PLCB1: variants seen among roughly 807,000 people sequenced by gnomAD.
The protein encoded by PLCB1 is phospholipase C beta 1, also known as 1-phosphatidylinositol 4,5-bisphosphate phosphodiesterase beta-1.
PLCB1 carries 46 observed loss-of-function variants against 161.8 expected under a neutral mutation model. The observed-to-expected ratio is 0.28, with a 90% confidence interval of 0.22 to 0.36. The LOEUF is 0.36. Ranked by LOEUF, PLCB1 falls within the 10% of genes least tolerant of loss-of-function variation. PLCB1 has a pLI of 1.00. For missense variants in PLCB1, 1,016 were observed against 1,472.5 expected, an observed-to-expected ratio of 0.69 and a Z score of 5.07; for synonymous variants, 517 against 503.7, an observed-to-expected ratio of 1.03 and a Z score of -0.35.
intron 3 of PLCB1, among the ~76,000 whole-genome samples, chr20:8,588,111 AT>A (rs1987044180): frequency 6.6e-6 from 1 of 152,202 alleles, no homozygotes; most frequent in Admixed American, 6.5e-5. Flanking sequence ...GATTTAATAC[AT>A]GCTTATTGAA....
chr20:8,334,704 G>A (rs781147729), intron 2 of PLCB1, among the ~76,000 whole-genome samples: 5 of 152,152 alleles, frequency 3.3e-5, no homozygotes, highest in African/African-American at 4.8e-5. Context: ...CCTTTTGACA[G>A]CCGTGACTTA....
intron 31 of PLCB1, among the ~76,000 whole-genome samples, chr20:8,797,774 A>G (rs1478677828): frequency 6.6e-6 from 1 of 152,218 alleles, no homozygotes; most frequent in Non-Finnish European, 1.5e-5. Context: ...TGAACACACA[A>G]TTTCCATCAT....
intron 3 of PLCB1, among the ~76,000 whole-genome samples, chr20:8,423,826 T>C (rs1471108543): frequency 6.6e-6 from 1 of 152,204 alleles, no homozygotes; most frequent in Non-Finnish European, 1.5e-5. Context: ...TGGCTTCAAA[T>C]TTCATGAGGC....
At chr20:8,216,668 G>T (rs993022647) in intron 2 of PLCB1, among the ~76,000 whole-genome samples, 4 of 151,964 alleles carry the variant, frequency 2.6e-5, no homozygotes, top group African/African-American at 9.7e-5. Flanking sequence ...CCTCAAAAAG[G>T]TCAGAGAAAA....
At chr20:8,202,152 T>A (rs929442930) in intron 2 of PLCB1, among the ~76,000 whole-genome samples, 1 of 152,144 alleles carries the variant, frequency 6.6e-6, no homozygotes, top group Non-Finnish European at 1.5e-5. Flanking sequence ...TCTCTGCTCA[T>A]TGCAAACTCC....
intron 31 of PLCB1, among the ~76,000 whole-genome samples, chr20:8,822,453 A>C (rs1223795127): frequency 1.3e-5 from 2 of 152,182 alleles, no homozygotes; most frequent in Non-Finnish European, 2.9e-5. Flanking sequence ...ATCAGGAACC[A>C]AATGATCTGG....
At chr20:8,663,187 CAT>C (rs1989728295) in intron 9 of PLCB1, among the ~76,000 whole-genome samples, 1 of 151,306 alleles carries the variant, frequency 6.6e-6, no homozygotes, top group Non-Finnish European at 1.5e-5. Flanking sequence ...ATATATATAA[CAT>C]ATATATACAC....
intron 1 of PLCB1, among the ~76,000 whole-genome samples, chr20:8,139,290 T>G (rs2051380161): frequency 6.6e-6 from 1 of 152,024 alleles, no homozygotes; most frequent in Non-Finnish European, 1.5e-5. Context: ...AGACGGGGGT[T>G]TTGCCATGTT....
chr20:8,568,252 G>A (rs939459128), intron 3 of PLCB1, among the ~76,000 whole-genome samples: 6 of 152,142 alleles, frequency 3.9e-5, no homozygotes, highest in African/African-American at 1.2e-4. Flanking sequence ...ATTGCTGTTG[G>A]TATTTTACCT....
chr20:8,306,709 T>C (rs529766063), intron 2 of PLCB1, among the ~76,000 whole-genome samples: 1 of 152,350 alleles, frequency 6.6e-6, no homozygotes, highest in African/African-American at 2.4e-5. Context: ...GCAAAGTGAA[T>C]GAAGAACTCT....
intron 3 of PLCB1, among the ~76,000 whole-genome samples, chr20:8,510,543 G>A (rs762678156): frequency 2.0e-5 from 3 of 151,810 alleles, no homozygotes; most frequent in South Asian, 2.1e-4. Context: ...GGGCCACCAC[G>A]CCCAGCTAAT....
Position 8,708,690 on chromosome 20 carries a change from G to T in PLCB1, c.1188G>T (p.Ala396=). The part of the protein sequence containing the change: ...ISFKEVIEAI[A]ECAFKTSPFP... The stretch of plus-strand genomic sequence containing the variant: ...TTTAGGAAGTGATAGAAGCAATTGC[G>T]GAGTGTGCATTTAAGACTTCACCTT... The change falls in exon 12 of 32, where the codon GCG becomes GCT. Residue 396 remains alanine, a synonymous_variant. Coordinates refer to ENST00000338037, the MANE Select transcript of PLCB1 (RefSeq NM_015192.4). The T allele has an allele frequency of 1.9e-6, 3 of 1,612,394 alleles. No homozygotes were observed. The South Asian group carries it at 3.3e-5, about 18-fold the overall frequency.
intron 7 of PLCB1, chr20:8,651,445 G>C (rs1568546944): frequency 8.2e-6 from 6 of 728,158 alleles, no homozygotes; most frequent in Admixed American, 1.9e-5. Context: ...CGAAAAGTGA[G>C]CAGAGCTGTG....
Position 8,434,369 on chromosome 20 carries a change from G to A in PLCB1, c.246+62919G>A, listed in dbSNP as rs570504811. On this transcript the variant is annotated intron_variant, in intron 3 of 31. Transcript: ENST00000338037. ...CTTAATGGTGTTATCATATAGCAGA[G>A]GACAAAATCATAAAATAATAATAAT... Among the ~76,000 whole-genome samples, 3 of 151,976 alleles carry A rather than the reference G, an allele frequency of 2.0e-5. No individual in the cohort carries two copies. In the East Asian group the frequency reaches 5.8e-4, roughly 29 times the overall value.
chr20:8,261,771 C>G (rs932835290), intron 2 of PLCB1, among the ~76,000 whole-genome samples: 4 of 152,102 alleles, frequency 2.6e-5, no homozygotes, highest in African/African-American at 9.7e-5. Flanking sequence ...ATGCTGAATC[C>G]TGACAAATGA....
intron 2 of PLCB1, among the ~76,000 whole-genome samples, chr20:8,278,421 A>C (rs1982701397): frequency 6.7e-6 from 1 of 149,834 alleles, no homozygotes; most frequent in Non-Finnish European, 1.5e-5. Flanking sequence ...ACACATAAGA[A>C]ACAAATTAAG....
intron 2 of PLCB1, among the ~76,000 whole-genome samples, chr20:8,237,800 G>A (rs968753745): frequency 2.0e-5 from 3 of 151,938 alleles, no homozygotes; most frequent in Non-Finnish European, 4.4e-5. Context: ...TTACGTAAAT[G>A]GGATCCCAGT....
At chr20:8,334,174 A>T (rs575864259) in intron 2 of PLCB1, among the ~76,000 whole-genome samples, 7 of 151,816 alleles carry the variant, frequency 4.6e-5, no homozygotes, top group Non-Finnish European at 1.0e-4. Flanking sequence ...GCGCCATTGC[A>T]CTCCAGCCTG....
chr20:8,878,262 C>A (rs1987847538), intron 31 of PLCB1, among the ~76,000 whole-genome samples: 1 of 152,158 alleles, frequency 6.6e-6, no homozygotes, highest in African/African-American at 2.4e-5. Flanking sequence ...ACTTGCTTTT[C>A]TTCCTTCCCT....
Sources: gnomAD v4.1 joint callset for allele counts (sites outside exome capture counted in the v4.1 genomes callset) on GRCh38, gnomAD v4.1.1 for gene constraint, MANE v1.5 for transcripts, NCBI Gene and HGNC (gene_info 2026-07-23, HGNC 2026-07-21) for gene names.